Variants in LTBP1 observed in about 807,000 individuals in gnomAD.
LTBP1 encodes latent transforming growth factor beta binding protein 1, also known as latent-transforming growth factor beta-binding protein 1.
Under a neutral mutation model 207.6 loss-of-function variants are expected in LTBP1, and 129 were observed. The ratio of observed to expected loss-of-function variants is 0.62; its 90% CI spans 0.54 to 0.72. LTBP1 has a LOEUF of 0.72. LTBP1 is among the 30% of genes least tolerant of loss of function. LTBP1 has a pLI of 0.00. For missense variants in LTBP1, 2,281 were observed against 2,217.2 expected, an observed-to-expected ratio of 1.03 and a Z score of -0.58; for synonymous variants, 963 against 833.7, an observed-to-expected ratio of 1.16 and a Z score of -2.67.
chr2:33,050,944 C>T (rs918048875), intron 3 of LTBP1, among the ~76,000 whole-genome samples: 11 of 151,958 alleles, frequency 7.2e-5, no homozygotes, highest in African/African-American at 2.2e-4. Flanking sequence ...AGACTGGTCT[C>T]GAACTCCTGA....
At chr2:33,160,681 T>C (rs1452455284) in intron 5 of LTBP1, among the ~76,000 whole-genome samples, 2 of 152,196 alleles carry the variant, frequency 1.3e-5, no homozygotes, top group Admixed American at 1.3e-4. Context: ...ATCAACTAGG[T>C]ATTTGGGCCT....
At chr2:33,078,266 G>A (rs1348342320) in intron 3 of LTBP1, among the ~76,000 whole-genome samples, 1 of 152,198 alleles carries the variant, frequency 6.6e-6, no homozygotes, top group Admixed American at 6.5e-5. Flanking sequence ...TTAAGGAAAT[G>A]GGAAGGCTGT....
intron 5 of LTBP1, among the ~76,000 whole-genome samples, chr2:33,145,755 T>C (rs2082975470): frequency 6.6e-6 from 1 of 152,150 alleles, no homozygotes; most frequent in South Asian, 2.1e-4. Flanking sequence ...ATAACATTAA[T>C]GCCAAAATTG....
chr2:33,108,457 A>C (rs1385850226), intron 3 of LTBP1, among the ~76,000 whole-genome samples: 1 of 151,866 alleles, frequency 6.6e-6, no homozygotes, highest in Non-Finnish European at 1.5e-5. Flanking sequence ...GCTTGGTTTT[A>C]CCTAGTTTAT....
intron 7 of LTBP1, among the ~76,000 whole-genome samples, chr2:33,200,054 G>A (rs546913257): frequency 7.9e-5 from 12 of 152,206 alleles, no homozygotes; most frequent in African/African-American, 2.9e-4. Flanking sequence ...TACTGCCCAA[G>A]GTAATGTATA....
chr2:33,280,223 G>A, intron 19 of LTBP1, 65 bp downstream of exon 19: 1 of 1,462,142 alleles, frequency 6.8e-7, no homozygotes, highest in Non-Finnish European at 9.1e-7. Flanking sequence ...CTGATAGAGT[G>A]GTGTAATGCC....
chr2:33,107,145 T>G (rs2080108420), intron 3 of LTBP1, among the ~76,000 whole-genome samples: 1 of 152,192 alleles, frequency 6.6e-6, no homozygotes, highest in African/African-American at 2.4e-5. Flanking sequence ...AAGAATAGCT[T>G]AGAAGAGAAC....
At chr2:33,389,752 G>T (rs187018002) in intron 32 of LTBP1, among the ~76,000 whole-genome samples, 4 of 152,266 alleles carry the variant, frequency 2.6e-5, no homozygotes, top group Admixed American at 2.6e-4. Context: ...CGATTCTGCT[G>T]CCTCAGCCTC....
rs142451244 is a variant in LTBP1, at chr2:33,126,664, G to A, written c.1034-8129G>A. On this transcript the variant is annotated intron_variant, in intron 4 of 33. Coordinates refer to ENST00000404816, the MANE Select transcript of LTBP1 (RefSeq NM_206943.4). ...CAATTTTATTTATCACATAATATTG[G>A]AGCATAGCTAGCTATATATGATGAT... 4.9e-4 allele frequency among the ~76,000 whole-genome samples: 75 copies of A among 152,216 alleles called. 1 individual carries two copies. In the East Asian group the frequency reaches 8.7e-3, roughly 18 times the overall value.
chr2:33,255,548 C>G (rs1252064728), intron 11 of LTBP1, among the ~76,000 whole-genome samples: 2 of 152,182 alleles, frequency 1.3e-5, no homozygotes, highest in Non-Finnish European at 1.5e-5. Context: ...TTTATTGCGG[C>G]ATTATTCACA....
chr2:32,990,279 T>G (rs1457150844), intron 2 of LTBP1, among the ~76,000 whole-genome samples: 1 of 152,274 alleles, frequency 6.6e-6, no homozygotes, highest in Non-Finnish European at 1.5e-5. Flanking sequence ...TCATGGTCTC[T>G]GGGCATTTTG....
chr2:33,206,601 G>A (rs10205515), intron 7 of LTBP1, among the ~76,000 whole-genome samples: 12,244 of 151,998 alleles, frequency 0.081, 1,068 homozygotes, highest in African/African-American at 0.22. Flanking sequence ...CTAGCCGGGC[G>A]TGGTGGCAGC....
At chr2:33,176,191 GAAAT>G (rs939028352) in intron 5 of LTBP1, among the ~76,000 whole-genome samples, 3 of 150,962 alleles carry the variant, frequency 2.0e-5, no homozygotes, top group African/African-American at 7.3e-5. Context: ...TAAATAAAAA[GAAAT>G]AAAATCCAAT....
At chr2:33,029,434 G>A (rs145652664) in intron 3 of LTBP1, among the ~76,000 whole-genome samples, 11,392 of 152,126 alleles carry the variant, frequency 0.075, 468 homozygotes, top group Middle Eastern at 0.099. Flanking sequence ...CTGAGATTGC[G>A]CCACTGCGCT....
At chr2:33,020,408 G>A (rs945636931) in intron 2 of LTBP1, among the ~76,000 whole-genome samples, 23 of 152,176 alleles carry the variant, frequency 1.5e-4, no homozygotes, top group African/African-American at 4.3e-4. Flanking sequence ...TAAGTTAAGC[G>A]TATATTTAAA....
At chr2:33,147,095 C>G (rs576540573) in intron 5 of LTBP1, among the ~76,000 whole-genome samples, 13 of 152,164 alleles carry the variant, frequency 8.5e-5, no homozygotes, top group Non-Finnish European at 1.9e-4. Flanking sequence ...CTTCTTCAAT[C>G]CCTAAATCAG....
intron 2 of LTBP1, among the ~76,000 whole-genome samples, chr2:32,994,542 C>T (rs1423637926): frequency 1.3e-5 from 2 of 151,842 alleles, no homozygotes; most frequent in African/African-American, 2.4e-5. Context: ...TCTCGGCTCA[C>T]AGCAACCTCT....
chr2:33,173,348 A>G (rs545985618), intron 5 of LTBP1, among the ~76,000 whole-genome samples: 177 of 152,208 alleles, frequency 1.2e-3, no homozygotes, highest in African/African-American at 4.2e-3. Flanking sequence ...ACAGAAATAC[A>G]AACTACCATC....
chr2:33,255,530 C>T (rs1020437872), intron 11 of LTBP1, among the ~76,000 whole-genome samples: 3 of 152,142 alleles, frequency 2.0e-5, no homozygotes, highest in African/African-American at 7.2e-5. Context: ...GACACATGCA[C>T]ACGTATGTTT....
Sources: gnomAD v4.1 joint callset for allele counts (sites outside exome capture counted in the v4.1 genomes callset) on GRCh38, gnomAD v4.1.1 for gene constraint, MANE v1.5 for transcripts, NCBI Gene and HGNC (gene_info 2026-07-23, HGNC 2026-07-21) for gene names.